Variants in ARMC8 observed in about 807,000 individuals in gnomAD.
ARMC8 encodes the protein armadillo repeat-containing protein 8.
In ARMC8, 20 loss-of-function variants were observed where a neutral mutation model predicts 99.3. The observed-to-expected ratio is 0.20, with a 90% CI of 0.14 to 0.29. ARMC8 has a LOEUF of 0.29. ARMC8 is among the 10% of genes least tolerant of loss of function. ARMC8 has a pLI of 1.00. For synonymous variants in ARMC8, 263 were observed against 278.3 expected, an observed-to-expected ratio of 0.95 and a Z score of 0.55; for missense variants, 569 against 809.5, an observed-to-expected ratio of 0.70 and a Z score of 3.60.
chr3:138,292,032 TTTTC>T (rs2050997916), intron 21 of ARMC8, among the ~76,000 whole-genome samples: 1 of 152,150 alleles, frequency 6.6e-6, no homozygotes, highest in South Asian at 2.1e-4. Flanking sequence ...CTTTTTCTTT[TTTTC>T]TTTCTTTTCT....
chr3:138,209,180 T>C (rs1413716753), intron 1 of ARMC8, among the ~76,000 whole-genome samples: 2 of 152,250 alleles, frequency 1.3e-5, no homozygotes, highest in African/African-American at 2.4e-5. Context: ...AATATTCCTA[T>C]CTATTAATTA....
chr3:138,201,851 C>G (rs1485091895), intron 1 of ARMC8, among the ~76,000 whole-genome samples: 1 of 152,178 alleles, frequency 6.6e-6, no homozygotes, highest in African/African-American at 2.4e-5. Context: ...TCCCTAACTT[C>G]AATGATATCT....
At chr3:138,268,021 A>T (rs1483505413) in intron 15 of ARMC8, among the ~76,000 whole-genome samples, 1 of 152,026 alleles carries the variant, frequency 6.6e-6, no homozygotes, top group Non-Finnish European at 1.5e-5. Flanking sequence ...GGCAGGCAGA[A>T]CACTTGAGGT....
At position 138,296,408 on chromosome 3, in the gene ARMC8, T is replaced by A. The variant is rs2051488250; in HGVS notation, c.*516T>A. The A allele has an allele frequency of 2.0e-5, 3 of 152,264 alleles. No homozygotes were observed. In the South Asian group the frequency reaches 6.2e-4, roughly 31 times the overall value. The allele number at this position is 152,264 out of a possible 1,614,324, so 9.4% of individuals were successfully genotyped here. A position where few individuals can be genotyped will look rare whatever the true frequency, so the allele number is the denominator to read the frequency against. ...TTTACTGAATTATATACAGTTTGAA[T>A]GAAATGTTATTTTAAAAACAAAACA... is the stretch of plus-strand genomic sequence containing the variant. On this transcript the variant is annotated 3_prime_UTR_variant, in exon 22 of 22. Coordinates refer to ENST00000469044, the MANE Select transcript of ARMC8 (RefSeq NM_001363941.2).
chr3:138,291,566 G>T (rs1254229052), intron 21 of ARMC8, among the ~76,000 whole-genome samples: 2 of 152,214 alleles, frequency 1.3e-5, no homozygotes, highest in African/African-American at 4.8e-5. Context: ...ATAGAAGATA[G>T]ATGATAAGCA....
intron 18 of ARMC8, 50 bp from the exon 19 acceptor site, chr3:138,284,381 C>A: frequency 6.9e-7 from 1 of 1,448,180 alleles, no homozygotes; most frequent in Non-Finnish European, 9.7e-7. Flanking sequence ...GACAGCTTGA[C>A]TCTGGGACTT....
At chr3:138,208,952 A>G (rs1433659131) in intron 1 of ARMC8, among the ~76,000 whole-genome samples, 3 of 152,204 alleles carry the variant, frequency 2.0e-5, no homozygotes, top group Non-Finnish European at 4.4e-5. Flanking sequence ...TGGGTGGCCT[A>G]CAGATCACTC....
chr3:138,252,678 A>T (rs1242058237), intron 12 of ARMC8, among the ~76,000 whole-genome samples: 1 of 124,458 alleles, frequency 8.0e-6, no homozygotes, highest in Non-Finnish European at 1.6e-5. Context: ...ATGGTCCCGA[A>T]CTCCTGACCT....
intron 17 of ARMC8, among the ~76,000 whole-genome samples, chr3:138,273,682 A>C (rs2048991640): frequency 6.6e-6 from 1 of 152,176 alleles, no homozygotes; most frequent in African/African-American, 2.4e-5. Context: ...TAGATGAGGA[A>C]ATATGAGTGG....
chr3:138,198,390 G>C (rs1559911129), intron 1 of ARMC8, among the ~76,000 whole-genome samples: 1 of 151,940 alleles, frequency 6.6e-6, no homozygotes, highest in Non-Finnish European at 1.5e-5. Context: ...CTGAAAACCG[G>C]AGAGGCTGGC....
intron 12 of ARMC8, chr3:138,262,323 G>C: frequency 1.8e-6 from 1 of 560,756 alleles, no homozygotes; most frequent in South Asian, 2.5e-5. Flanking sequence ...AGGGCGAGGA[G>C]TAGATCAATA....
At chr3:138,258,740 CA>C (rs1214490193) in intron 12 of ARMC8, among the ~76,000 whole-genome samples, 1 of 152,184 alleles carries the variant, frequency 6.6e-6, no homozygotes, top group African/African-American at 2.4e-5. Context: ...CAGGGAGGTA[CA>C]CAATACCTGA....
At chr3:138,278,399 G>A (rs2049520854) in intron 18 of ARMC8, among the ~76,000 whole-genome samples, 1 of 151,986 alleles carries the variant, frequency 6.6e-6, no homozygotes, top group Non-Finnish European at 1.5e-5. Context: ...AGCTACTCGG[G>A]AGGCTGAGGC....
chr3:138,280,198 C>A (rs2049747330), intron 18 of ARMC8, among the ~76,000 whole-genome samples: 1 of 152,138 alleles, frequency 6.6e-6, no homozygotes, highest in Non-Finnish European at 1.5e-5. Context: ...GCCACTGTGC[C>A]TGGCTGGTAA....
chr3:138,274,261 ATG>A, intron 17 of ARMC8, among the ~76,000 whole-genome samples, 186 bp from the exon 18 acceptor site: 1 of 146,852 alleles, frequency 6.8e-6, no homozygotes, highest in African/African-American at 2.7e-5. Context: ...GTGTGTGTGT[ATG>A]ACATATTTGA....
chr3:138,225,673 A>G (rs1278813904), intron 5 of ARMC8, among the ~76,000 whole-genome samples: 1 of 152,192 alleles, frequency 6.6e-6, no homozygotes, highest in African/African-American at 2.4e-5. Context: ...TCTGGTTTCT[A>G]TGCTATCATT....
chr3:138,239,901 A>G (rs1442175549), intron 10 of ARMC8, among the ~76,000 whole-genome samples: 4 of 152,188 alleles, frequency 2.6e-5, no homozygotes, highest in Non-Finnish European at 5.9e-5. Flanking sequence ...TTTGCAGAAA[A>G]AGACTTTATA....
At chr3:138,216,825 A>C (rs764458554) in intron 2 of ARMC8, among the ~76,000 whole-genome samples, 4 of 152,224 alleles carry the variant, frequency 2.6e-5, no homozygotes, top group African/African-American at 4.8e-5. Context: ...GAGTATTCCA[A>C]ATATGAAGCA....
At chr3:138,256,399 C>CTCCTTTT (rs1559998385) in intron 12 of ARMC8, among the ~76,000 whole-genome samples, 17 of 140,862 alleles carry the variant, frequency 1.2e-4, no homozygotes, top group African/African-American at 4.4e-4. Context: ...TTTTTTCCTC[C>CTCCTTTT]TTCTTTTTTT....
Sources: allele counts gnomAD v4.1 joint callset (sites outside exome capture counted in the v4.1 genomes callset), GRCh38; gene constraint gnomAD v4.1.1; transcripts MANE v1.5; gene names NCBI Gene and HGNC (gene_info 2026-07-23, HGNC 2026-07-21).